The following ANTXR2 variants were observed in gnomAD, a reference collection of about 807,000 sequenced individuals.
The protein encoded by ANTXR2 is anthrax toxin receptor 2.
In ANTXR2, 44 loss-of-function variants were observed where a neutral mutation model predicts 73.7. The observed-to-expected ratio is 0.60, with a 90% CI of 0.47 to 0.77. The LOEUF (loss-of-function observed/expected upper bound fraction) is 0.77, where lower values mean the gene tolerates loss of function less well. Among genes scored for constraint, ANTXR2 ranks in the 30% least tolerant of loss-of-function variants. The pLI is 0.00. For synonymous variants in ANTXR2, 217 were observed against 205.9 expected (o/e 1.05, Z -0.46); for missense variants, 604 against 592.5 (o/e 1.02, Z -0.20).
At chr4:79,947,075 A>G (rs1455722762) in intron 16 of ANTXR2, among the ~76,000 whole-genome samples, 1 of 152,150 alleles carries the variant, frequency 6.6e-6, no homozygotes, top group Non-Finnish European at 1.5e-5. Context: ...AAATGAATCA[A>G]AGTCCTTACT....
Position 80,027,911 on chromosome 4 carries a change from A to T in ANTXR2, c.866+3712T>A, listed in dbSNP as rs555146330. 1.1e-3 allele frequency among the ~76,000 whole-genome samples: 161 copies of T among 152,172 alleles called. 2 individuals carry two copies. Among genetic ancestry groups the T allele is most frequent in the Non-Finnish European group, 1.4e-3 (95 of 68,036 alleles). On this transcript the variant is annotated intron_variant, in intron 10 of 16. Coordinates refer to ENST00000403729, the MANE Select transcript of ANTXR2 (RefSeq NM_058172.6). Reference sequence around the variant, plus strand: ...AGGCTAGTGCCCTGGATTAGGGAACATCCAAAGAACATCAGAGAATGCATC... The same window carrying T: ...AGGCTAGTGCCCTGGATTAGGGAACTTCCAAAGAACATCAGAGAATGCATC...
intron 3 of ANTXR2, among the ~76,000 whole-genome samples, chr4:80,068,827 A>T (rs534378015): frequency 6.6e-6 from 1 of 152,286 alleles, no homozygotes; most frequent in Admixed American, 6.5e-5. Flanking sequence ...TGTCATTGAC[A>T]CTGTTTGAAT....
At chr4:80,032,674 A>G (rs1732752424) in intron 9 of ANTXR2, among the ~76,000 whole-genome samples, 1 of 151,938 alleles carries the variant, frequency 6.6e-6, no homozygotes, top group Non-Finnish European at 1.5e-5. Flanking sequence ...CAGAGTTTAC[A>G]AAGTTATAAA....
chr4:80,070,988 C>A (rs1466981311), intron 2 of ANTXR2, among the ~76,000 whole-genome samples: 2 of 152,098 alleles, frequency 1.3e-5, no homozygotes, highest in Non-Finnish European at 2.9e-5. Context: ...GGATTTCATA[C>A]CAGTAATGCT....
At chr4:79,915,860 C>CTATATATATA (rs775665680) in intron 16 of ANTXR2, among the ~76,000 whole-genome samples, 97 of 121,940 alleles carry the variant, frequency 8.0e-4, no homozygotes, top group Middle Eastern at 8.8e-3. Flanking sequence ...CTCTCTCTCT[C>CTATATATATA]TCTATATATA....
chr4:79,983,564 T>G (rs1578129470), intron 14 of ANTXR2, among the ~76,000 whole-genome samples: 1 of 152,260 alleles, frequency 6.6e-6, no homozygotes, highest in South Asian at 2.1e-4. Flanking sequence ...TTGAAGTGGC[T>G]GGCTTCTTCA....
chr4:79,910,507 C>CAAA (rs144527286), intron 16 of ANTXR2, among the ~76,000 whole-genome samples: 1 of 95,650 alleles, frequency 1.0e-5, no homozygotes, highest in Non-Finnish European at 2.1e-5. Flanking sequence ...GACTCCGTCT[C>CAAA]AAAAAAAAAA....
At chr4:80,018,005 A>G (rs1433540323) in intron 11 of ANTXR2, among the ~76,000 whole-genome samples, 3 of 152,236 alleles carry the variant, frequency 2.0e-5, no homozygotes, top group Non-Finnish European at 4.4e-5. Context: ...GAGAAATGCA[A>G]CTACCTCTAT....
intron 12 of ANTXR2, among the ~76,000 whole-genome samples, chr4:80,006,878 CTGCA>C (rs2110053821): frequency 6.6e-6 from 1 of 152,248 alleles, no homozygotes; most frequent in Non-Finnish European, 1.5e-5. Context: ...AAATGCACCA[CTGCA>C]AAGTTTAAAT....
At chr4:80,000,648 C>A (rs1730985130) in intron 12 of ANTXR2, among the ~76,000 whole-genome samples, 1 of 151,958 alleles carries the variant, frequency 6.6e-6, no homozygotes, top group Admixed American at 6.6e-5. Context: ...CATTTGCTCA[C>A]CTGACAGGAT....
chr4:79,926,976 T>TGTGTATATATAC (rs1553925983), intron 16 of ANTXR2, among the ~76,000 whole-genome samples: 3 of 90,594 alleles, frequency 3.3e-5, no homozygotes, highest in Non-Finnish European at 6.1e-5. Context: ...TGTGTATATA[T>TGTGTATATATAC]ACGTGTGCAT....
chr4:79,980,921 T>TAA (rs11397721), intron 14 of ANTXR2, among the ~76,000 whole-genome samples: 87 of 137,562 alleles, frequency 6.3e-4, no homozygotes, highest in African/African-American at 2.1e-3. Context: ...TTAAGGGCTT[T>TAA]AAAAAAAAAA....
chr4:79,950,166 GAAGA>G (rs1274251889), intron 16 of ANTXR2, among the ~76,000 whole-genome samples: 4 of 152,176 alleles, frequency 2.6e-5, no homozygotes, highest in African/African-American at 9.6e-5. Flanking sequence ...TAAAAAAGTT[GAAGA>G]AATACAGCCC....
chr4:80,023,093 T>C (rs1340163261), intron 10 of ANTXR2, among the ~76,000 whole-genome samples: 1 of 152,338 alleles, frequency 6.6e-6, no homozygotes, highest in Middle Eastern at 3.4e-3. Flanking sequence ...AAGAAATGTA[T>C]ATAGAAGCAA....
intron 16 of ANTXR2, among the ~76,000 whole-genome samples, chr4:79,917,887 T>C (rs1727418885): frequency 6.6e-6 from 1 of 151,618 alleles, no homozygotes; most frequent in Non-Finnish European, 1.5e-5. Flanking sequence ...AATCTACAGG[T>C]GGTTTAGATG....
intron 7 of ANTXR2, among the ~76,000 whole-genome samples, chr4:80,045,032 C>G (rs1208290011): frequency 6.6e-6 from 1 of 151,558 alleles, no homozygotes; most frequent in Non-Finnish European, 1.5e-5. Context: ...TTAATCAAAG[C>G]ATATTTTCAG....
chr4:79,984,723 A>G, intron 13 of ANTXR2, 96 bp downstream of exon 13: 1 of 1,046,378 alleles, frequency 9.6e-7, no homozygotes, highest in Non-Finnish European at 1.5e-6. Flanking sequence ...CATAGGTATC[A>G]TAGTTATCTA....
chr4:79,980,064 A>T (rs1045822778), intron 14 of ANTXR2, among the ~76,000 whole-genome samples: 11 of 152,146 alleles, frequency 7.2e-5, no homozygotes, highest in Non-Finnish European at 1.2e-4. Flanking sequence ...TTCTCAGATT[A>T]AAAAAATATA....
chr4:80,052,051 GA>G (rs571250178), intron 7 of ANTXR2, among the ~76,000 whole-genome samples: 9 of 151,112 alleles, frequency 6.0e-5, no homozygotes, highest in Admixed American at 2.0e-4. Flanking sequence ...CAATGAGCAG[GA>G]AAAAAAATTA....
Sources: gnomAD v4.1 joint callset for allele counts (sites outside exome capture counted in the v4.1 genomes callset) on GRCh38, gnomAD v4.1.1 for gene constraint, MANE v1.5 for transcripts, NCBI Gene and HGNC (gene_info 2026-07-23, HGNC 2026-07-21) for gene names.